Variants in DCAF5 observed in about 807,000 individuals in gnomAD.
DCAF5 encodes the protein DDB1- and CUL4-associated factor 5.
A neutral mutation model predicts 80.7 loss-of-function variants in DCAF5; 9 were observed. The ratio of observed to expected loss-of-function variants is 0.11; its 90% CI spans 0.07 to 0.19. The LOEUF is 0.19. Among genes scored for constraint, DCAF5 ranks in the 10% least tolerant of loss-of-function variants. DCAF5 has a pLI of 1.00. For synonymous variants in DCAF5, 433 were observed against 461.9 expected (o/e 0.94, Z 0.80); for missense variants, 842 against 1,205.7 (o/e 0.70, Z 4.47).
At chr14:69,071,898 C>A (rs1419338712) in intron 7 of DCAF5, among the ~76,000 whole-genome samples, 2 of 152,128 alleles carry the variant, frequency 1.3e-5, no homozygotes, top group African/African-American at 2.4e-5. Flanking sequence ...AGTCCTGAAG[C>A]CATGTTGAAG....
At chr14:69,146,297 C>T (rs1026645822) in intron 1 of DCAF5, among the ~76,000 whole-genome samples, 2 of 152,202 alleles carry the variant, frequency 1.3e-5, no homozygotes, top group South Asian at 4.1e-4. Flanking sequence ...TGATCAGCAG[C>T]TAAACCTCAC....
intron 5 of DCAF5, among the ~76,000 whole-genome samples, chr14:69,097,991 C>T (rs1452207672): frequency 6.6e-6 from 1 of 152,126 alleles, no homozygotes; most frequent in Non-Finnish European, 1.5e-5. Flanking sequence ...GATGCTGAAC[C>T]ATGAATCTAA....
At chr14:69,059,359 G>A (rs2038112400) in intron 8 of DCAF5, among the ~76,000 whole-genome samples, 1 of 152,222 alleles carries the variant, frequency 6.6e-6, no homozygotes, top group African/African-American at 2.4e-5. Flanking sequence ...GAAAGAAGGG[G>A]GAGTAGAGAG....
At position 69,075,205 on chromosome 14, in the gene DCAF5, T is replaced by C; in HGVS notation, c.946+140A>G. ...ATAGTTTAATCTGGTTTATAATTTT[T>C]ATTTTTAAATTTCCTTTGGTCACAG... On this transcript the variant is annotated intron_variant, in intron 7 of 8. Transcript: ENST00000341516. 4 of 540,036 alleles carry C rather than the reference T, an allele frequency of 7.4e-6. No homozygotes were observed. In the East Asian group the frequency reaches 1.2e-4, roughly 17 times the overall value. 33.5% of individuals were successfully genotyped at this position (540,036 alleles called of 1,614,324 possible).
At chr14:69,075,976 G>A (rs2038883999) in intron 6 of DCAF5, among the ~76,000 whole-genome samples, 1 of 152,024 alleles carries the variant, frequency 6.6e-6, no homozygotes, top group Non-Finnish European at 1.5e-5. Flanking sequence ...CAAAAAAGGG[G>A]CAAATTAGAC....
intron 6 of DCAF5, chr14:69,083,725 A>G: frequency 1.5e-6 from 1 of 646,100 alleles, no homozygotes; most frequent in Non-Finnish European, 2.9e-6. Context: ...AAAAAAGAAG[A>G]GAAAAATGGT....
chr14:69,084,583 G>A lies in DCAF5; in HGVS notation c.879+7091C>T, dbSNP rs1011085407. 1.2e-4 allele frequency: 92 copies of A among 795,986 alleles called. No individual in the cohort carries two copies. The African/African-American group carries it at 1.4e-3, about 12-fold the overall frequency. 49.3% of individuals were successfully genotyped at this position (795,986 alleles called of 1,614,324 possible). A position where few individuals can be genotyped will look rare whatever the true frequency, so the allele number is the denominator to read the frequency against. On this transcript the variant is annotated intron_variant, in intron 6 of 8. Coordinates refer to ENST00000341516, the MANE Select transcript of DCAF5 (RefSeq NM_003861.3). ...ATGCAACAGTGGATGGTCTTGAGCA[G>A]GGATATGTTGTTTGTCCTTCTGAAA...
At chr14:69,148,099 TCG>T (rs373872526) in intron 1 of DCAF5, among the ~76,000 whole-genome samples, 6 of 102,068 alleles carry the variant, frequency 5.9e-5, no homozygotes, top group East Asian at 1.6e-3. Flanking sequence ...TTCATTTTCT[TCG>T]CAAAAAAAAA....
At chr14:69,056,371 C>T (rs1166056537) in intron 8 of DCAF5, among the ~76,000 whole-genome samples, 1 of 152,202 alleles carries the variant, frequency 6.6e-6, no homozygotes, top group East Asian at 1.9e-4. Context: ...TACCCCTCCA[C>T]TCCATGGTCA....
intron 5 of DCAF5, among the ~76,000 whole-genome samples, chr14:69,097,588 T>TATTA (rs1566751203): frequency 1.8e-5 from 2 of 113,060 alleles, no homozygotes; most frequent in Non-Finnish European, 3.6e-5. Context: ...TATTATTTTT[T>TATTA]TTTTTTTTTT....
intron 5 of DCAF5, among the ~76,000 whole-genome samples, chr14:69,105,402 A>G (rs1277439450): frequency 6.6e-6 from 1 of 152,248 alleles, no homozygotes; most frequent in Non-Finnish European, 1.5e-5. Flanking sequence ...ACAGAAGGTC[A>G]CATATCGTGA....
In DCAF5 at chr14:69,051,075, T is replaced by C. The variant is rs2037744639; in HGVS notation, c.*2782A>G. Reference sequence around the variant, plus strand: ...ATCAAGCATAGTCACAAACTTCACTTGCCCCAAGCCAACAACTTAACTCAT... The same window carrying C: ...ATCAAGCATAGTCACAAACTTCACTCGCCCCAAGCCAACAACTTAACTCAT... On this transcript the variant is annotated 3_prime_UTR_variant, in exon 9 of 9. Transcript: ENST00000341516. The C allele has an allele frequency of 6.6e-6, 1 of 152,594 alleles. No homozygotes were observed. The highest frequency in any genetic ancestry group is 2.4e-5 in the African/African-American group (1 of 41,452). The allele number at this position is 152,594 out of a possible 1,614,324, so 9.5% of individuals were successfully genotyped here.
At chr14:69,116,585 C>A in intron 4 of DCAF5, 90 bp from the exon 5 acceptor site, 1 of 1,503,186 alleles carries the variant, frequency 6.7e-7, no homozygotes, top group Non-Finnish European at 9.0e-7. Flanking sequence ...CAGGTCGGAG[C>A]ACTCTTTAAT....
chr14:69,152,678 G>C lies in DCAF5; in HGVS notation c.214+87C>G. ...GAGAAAGGGAGGGGGTGGGGACAGAGGGCAGGAGGAGGGTGACGGGGGAGA... is the reference window on the plus strand; with the variant it reads ...GAGAAAGGGAGGGGGTGGGGACAGACGGCAGGAGGAGGGTGACGGGGGAGA... On this transcript the variant is annotated intron_variant, in intron 1 of 8. Transcript: ENST00000341516. The surrounding 1 kb of genome is among the most constrained non-coding windows in gnomAD (Gnocchi z 4.1). The C allele has an allele frequency of 1.0e-6, 1 of 995,536 alleles. No individual in the cohort carries two copies. Among genetic ancestry groups the C allele is most frequent in the South Asian group, 1.5e-5 (1 of 65,092 alleles). 61.7% of individuals were successfully genotyped at this position (995,536 alleles called of 1,614,324 possible).
chr14:69,054,809 G>A lies in DCAF5; in HGVS notation c.1877C>T (p.Ser626Phe), dbSNP rs1374961435. The stretch of plus-strand genomic sequence containing the variant: ...CTCAGGGGACGAGGTTGGGGAGGAG[G>A]AGAGGTCATCCACTTTGATCTGGGG... ...DYPQIKVDDL[S>F]SSPTSSPERS... is the part of the protein sequence containing the mutation. Residue 626 changes from serine to phenylalanine, a missense_variant, in exon 9 of 9, where the codon TCC (serine) becomes TTC (phenylalanine). By Grantham distance (155) the Ser-to-Phe change is radical. This residue lies in a region of DCAF5 where 607 missense variants were observed against 656.6 expected (regional missense o/e 0.92). Coordinates refer to ENST00000341516, the MANE Select transcript of DCAF5 (RefSeq NM_003861.3). The A allele has an allele frequency of 6.2e-7, 1 of 1,614,140 alleles. No homozygotes were observed. The highest frequency in any genetic ancestry group is 1.3e-5 in the African/African-American group (1 of 74,942).
At chr14:69,113,992 G>A (rs562719266) in intron 5 of DCAF5, among the ~76,000 whole-genome samples, 31 of 152,228 alleles carry the variant, frequency 2.0e-4, no homozygotes, top group African/African-American at 7.0e-4. Flanking sequence ...AAAACCGTAG[G>A]TTATCAAAGA....
At chr14:69,103,384 G>A (rs1425895463) in intron 5 of DCAF5, among the ~76,000 whole-genome samples, 4 of 152,204 alleles carry the variant, frequency 2.6e-5, no homozygotes, top group Non-Finnish European at 4.4e-5. Context: ...TTAGCCTGTG[G>A]ACAGTTTTAA....
chr14:69,128,981 A>T (rs2040958857), intron 1 of DCAF5, among the ~76,000 whole-genome samples: 1 of 152,028 alleles, frequency 6.6e-6, no homozygotes, highest in African/African-American at 2.4e-5. Flanking sequence ...AAACCAGAAT[A>T]TCTATACCTT....
At chr14:69,084,564 C>G in intron 6 of DCAF5, 3 of 758,802 alleles carry the variant, frequency 4.0e-6, no homozygotes. Flanking sequence ...GCTAATGCAA[C>G]AGTGGATGGT....
Sources: gnomAD v4.1 joint callset for allele counts (sites outside exome capture counted in the v4.1 genomes callset) on GRCh38, gnomAD v4.1.1 for gene constraint, gnomAD v4.1.1 regional missense constraint, Gnocchi (gnomAD v3.1) non-coding constraint, MANE v1.5 for transcripts, NCBI Gene and HGNC (gene_info 2026-07-23, HGNC 2026-07-21) for gene names.